Variants in LIX1 observed in about 807,000 individuals in gnomAD.
The protein encoded by LIX1 is limb and CNS expressed 1, also known as protein limb expression 1 homolog.
LIX1 carries 24 observed loss-of-function variants against 33.4 expected under a neutral mutation model. The observed-to-expected ratio is 0.72, with a 90% CI of 0.52 to 1.01. LIX1 has a LOEUF of 1.01. LIX1 is among the 50% of genes least tolerant of loss of function. The probability of loss-of-function intolerance (pLI) is 0.00; values close to 1 mark genes in which losing one functional copy is unlikely to be tolerated. For synonymous variants in LIX1, 124 were observed against 124.0 expected, an observed-to-expected ratio of 1.00 and a Z score of 0.00; for missense variants, 311 against 339.2, an observed-to-expected ratio of 0.92 and a Z score of 0.65.
At chr5:97,100,941 A>T (rs1013024985) in intron 4 of LIX1, among the ~76,000 whole-genome samples, 1 of 150,352 alleles carries the variant, frequency 6.7e-6, no homozygotes, top group South Asian at 2.1e-4. Context: ...TAAATAAAGG[A>T]AATTAGTGTT....
At chr5:97,097,370 A>G (rs1263348342) in intron 4 of LIX1, among the ~76,000 whole-genome samples, 3 of 152,218 alleles carry the variant, frequency 2.0e-5, no homozygotes, top group African/African-American at 7.2e-5. Context: ...ACGTTCCATA[A>G]GTTTAAATAG....
chr5:97,115,397 C>A (rs1471900897), intron 2 of LIX1, among the ~76,000 whole-genome samples: 3 of 152,134 alleles, frequency 2.0e-5, no homozygotes, highest in Non-Finnish European at 2.9e-5. Flanking sequence ...GCAATTTAGA[C>A]ATGAAACAGT....
chr5:97,107,554 C>G, intron 2 of LIX1, 54 bp from the exon 3 acceptor site: 1 of 1,579,842 alleles, frequency 6.3e-7, no homozygotes, highest in South Asian at 1.1e-5. Context: ...TTTCACCATT[C>G]CACTCCTGCA....
At position 97,134,562 on chromosome 5, in the gene LIX1, A is replaced by G. The variant is rs144199613; in HGVS notation, c.82+7933T>C. On this transcript the variant is annotated intron_variant, in intron 1 of 5. Coordinates refer to ENST00000274382, the MANE Select transcript of LIX1 (RefSeq NM_153234.5). ...TAGTATTTTAGCAATTCAATCATGT[A>G]CAACTTGTTTTTACCAATGTTATTT... 2.4e-3 allele frequency among the ~76,000 whole-genome samples: 367 copies of G among 152,400 alleles called. 1 individual carries two copies. Among genetic ancestry groups the G allele is most frequent in the African/African-American group, 8.5e-3 (353 of 41,594 alleles).
chr5:97,134,637 G>A (rs555173841), intron 1 of LIX1, among the ~76,000 whole-genome samples: 30 of 152,346 alleles, frequency 2.0e-4, no homozygotes, highest in African/African-American at 7.0e-4. Flanking sequence ...ACAATTGAAA[G>A]GGTAAGCTCA....
At position 97,101,515 on chromosome 5, in the gene LIX1, A is replaced by G. The variant is rs868072743; in HGVS notation, c.483+3675T>C. On this transcript the variant is annotated intron_variant, in intron 4 of 5. Coordinates refer to ENST00000274382, the MANE Select transcript of LIX1 (RefSeq NM_153234.5). Reference sequence around the variant, plus strand: ...TCTAGCTGGTCCTGACCAGCGGAGTAAATTTAATATAGAACGAAGAATCAA... The same window carrying G: ...TCTAGCTGGTCCTGACCAGCGGAGTGAATTTAATATAGAACGAAGAATCAA... 2.6e-5 allele frequency among the ~76,000 whole-genome samples: 4 copies of G among 152,334 alleles called. 1 individual carries two copies. The highest frequency in any genetic ancestry group is 3.4e-3 in the Middle Eastern group (1 of 294).
intron 4 of LIX1, among the ~76,000 whole-genome samples, chr5:97,104,074 A>G (rs1046861504): frequency 1.3e-5 from 2 of 152,170 alleles, no homozygotes; most frequent in Non-Finnish European, 2.9e-5. Flanking sequence ...TTATTTTTTA[A>G]TAATGTGCAT....
At chr5:97,108,998 A>G (rs1228454191) in intron 2 of LIX1, among the ~76,000 whole-genome samples, 5 of 152,008 alleles carry the variant, frequency 3.3e-5, no homozygotes, top group Admixed American at 1.3e-4. Context: ...CCTCCATCCT[A>G]TCTGCCCTCT....
chr5:97,137,189 T>C (rs1748190884), intron 1 of LIX1: 3 of 422,148 alleles, frequency 7.1e-6, no homozygotes, highest in South Asian at 5.3e-5. Flanking sequence ...CTAACAAATC[T>C]TAACTGTTAA....
At position 97,094,744 on chromosome 5, in the gene LIX1, C is replaced by T. The variant is rs1405814110; in HGVS notation, c.*4G>A. 4 of 1,612,244 alleles carry T rather than the reference C, an allele frequency of 2.5e-6. No individual in the cohort carries two copies. The highest frequency in any genetic ancestry group is 3.4e-6 in the Non-Finnish European group (4 of 1,178,760). ...TCACTGAGGGTACCCGGGGCTTGGC[C>T]TTGCTAGTGATAGCCACACAGGGCC... On this transcript the variant is annotated 3_prime_UTR_variant, in exon 6 of 6. Transcript: ENST00000274382.
In LIX1 at chr5:97,098,523, A is replaced by G. The variant is rs1436713235; in HGVS notation, c.484-1636T>C. 2.0e-5 allele frequency among the ~76,000 whole-genome samples: 3 copies of G among 152,318 alleles called. No individual in the cohort carries two copies. In the East Asian group the frequency reaches 5.8e-4, roughly 29 times the overall value. ...TATTGAAAAATAACTCTATATGATC[A>G]AGGAACTTTCATGTCTTAAAAAATA... is the stretch of plus-strand genomic sequence containing the variant. On this transcript the variant is annotated intron_variant, in intron 4 of 5. Transcript: ENST00000274382.
chr5:97,135,972 G>A (rs1258884562), intron 1 of LIX1, among the ~76,000 whole-genome samples: 1 of 152,214 alleles, frequency 6.6e-6, no homozygotes, highest in African/African-American at 2.4e-5. Flanking sequence ...GTGGCTTTGT[G>A]TAATGCATCT....
At chr5:97,137,982 C>T (rs181692901) in intron 1 of LIX1, among the ~76,000 whole-genome samples, 1 of 152,236 alleles carries the variant, frequency 6.6e-6, no homozygotes, top group African/African-American at 2.4e-5. Context: ...TTTTTAATAG[C>T]CCTGTAGTCT....
At position 97,092,016 on chromosome 5, in the gene LIX1, A is replaced by G. The variant is rs1746092950; in HGVS notation, c.*2732T>C. ...GAACTTAAACTATCTCATGTCAAACACAGTGCAATTTTGGATTTCAGGATT... is the reference window on the plus strand; with the variant it reads ...GAACTTAAACTATCTCATGTCAAACGCAGTGCAATTTTGGATTTCAGGATT... On this transcript the variant is annotated 3_prime_UTR_variant, in exon 6 of 6. Transcript: ENST00000274382. The G allele has an allele frequency of 6.6e-6, 1 of 152,364 alleles. No individual in the cohort carries two copies. The highest frequency in any genetic ancestry group is 2.4e-5 in the African/African-American group (1 of 41,460). The allele number at this position is 152,364 out of a possible 1,614,324, so 9.4% of individuals were successfully genotyped here. A position where few individuals can be genotyped will look rare whatever the true frequency, so the allele number is the denominator to read the frequency against.
At chr5:97,141,150 T>C (rs1748277886) in intron 1 of LIX1, among the ~76,000 whole-genome samples, 1 of 152,136 alleles carries the variant, frequency 6.6e-6, no homozygotes, top group Non-Finnish European at 1.5e-5. Context: ...CTGCTTCCCC[T>C]ATTTAAATGC....
At position 97,094,501 on chromosome 5, in the gene LIX1, T is replaced by G. The variant is rs575247382; in HGVS notation, c.*247A>C. The stretch of plus-strand genomic sequence containing the variant: ...GGCCTGGAAAATGTTTTTCAAACAA[T>G]TTTGTGTCTATCCTTTCATCCTGAG... On this transcript the variant is annotated 3_prime_UTR_variant, in exon 6 of 6. Coordinates refer to ENST00000274382, the MANE Select transcript of LIX1 (RefSeq NM_153234.5). 193 of 480,488 alleles carry G rather than the reference T, an allele frequency of 4.0e-4. 1 individual carries two copies. In the South Asian group the frequency reaches 7.0e-3, roughly 17 times the overall value. The allele number at this position is 480,488 out of a possible 1,614,324, so 29.8% of individuals were successfully genotyped here. A position where few individuals can be genotyped will look rare whatever the true frequency, so the allele number is the denominator to read the frequency against.
At chr5:97,130,516 G>T (rs923021733) in intron 1 of LIX1, among the ~76,000 whole-genome samples, 1 of 152,212 alleles carries the variant, frequency 6.6e-6, no homozygotes, top group Non-Finnish European at 1.5e-5. Flanking sequence ...AGAAAGCAGA[G>T]GGGTAGCAGT....
rs6879625 is a variant in LIX1 at position 97,135,806 on chromosome 5, G to A, written c.82+6689C>T. ...TACACTCCAGCCTGGGTGACAGAGC[G>A]AGACTCTGTCTCAAAATTAATAAAA... On this transcript the variant is annotated intron_variant, in intron 1 of 5. Transcript: ENST00000274382. Among the ~76,000 whole-genome samples the A allele has an allele frequency of 5.1e-3, 769 of 152,040 alleles. 9 individuals are homozygous for A. The highest frequency in any genetic ancestry group is 0.017 in the African/African-American group (708 of 41,470).
intron 1 of LIX1, among the ~76,000 whole-genome samples, chr5:97,141,373 G>A (rs904834912): frequency 4.6e-5 from 7 of 152,158 alleles, no homozygotes; most frequent in African/African-American, 1.4e-4. Flanking sequence ...ATTGGCAAAT[G>A]CCTAAAGACA....
Sources: allele counts gnomAD v4.1 joint callset (sites outside exome capture counted in the v4.1 genomes callset), GRCh38; gene constraint gnomAD v4.1.1; transcripts MANE v1.5; gene names NCBI Gene and HGNC (gene_info 2026-07-23, HGNC 2026-07-21).